The following POT1 variants were observed in gnomAD, a reference collection of about 807,000 sequenced individuals.
POT1 encodes protection of telomeres protein 1.
In POT1, 47 loss-of-function variants were observed where a neutral mutation model predicts 78.5. The observed-to-expected ratio is 0.60, with a 90% CI of 0.47 to 0.76. POT1 has a LOEUF of 0.76. Among genes scored for constraint, POT1 ranks in the 30% least tolerant of loss-of-function variants. POT1 has a pLI of 0.00. For missense variants in POT1, 646 were observed against 749.9 expected (o/e 0.86, Z 1.62); for synonymous variants, 259 against 260.7 (o/e 0.99, Z 0.06).
At chr7:124,914,136 G>GA (rs35946307) in intron 3 of POT1, among the ~76,000 whole-genome samples, 32,783 of 111,062 alleles carry the variant, frequency 0.3, 5,035 homozygotes, top group Middle Eastern at 0.33. Flanking sequence ...CTCTGTCTCA[G>GA]AAAAAAAAAA....
At chr7:124,917,641 A>C (rs988367963) in intron 2 of POT1, among the ~76,000 whole-genome samples, 1 of 152,190 alleles carries the variant, frequency 6.6e-6, no homozygotes, top group Non-Finnish European at 1.5e-5. Context: ...AGAGAACCAC[A>C]ATCAATTAGA....
At chr7:124,848,584 A>G in intron 11 of POT1, 1 of 184,956 alleles carries the variant, frequency 5.4e-6, no homozygotes, top group Non-Finnish European at 1.2e-5. Context: ...AGAAGCTTGA[A>G]CTCAGGAGGT....
chr7:124,863,706 A>G (rs1795655854), intron 7 of POT1, 66 bp from the exon 8 acceptor site: 1 of 1,202,590 alleles, frequency 8.3e-7, no homozygotes, highest in African/African-American at 1.5e-5. Context: ...ACAACCTACG[A>G]ACCAAAGAAA....
intron 5 of POT1, among the ~76,000 whole-genome samples, chr7:124,894,324 G>C (rs1205736514): frequency 6.6e-6 from 1 of 151,412 alleles, no homozygotes; most frequent in Non-Finnish European, 1.5e-5. Context: ...GAAGCATACT[G>C]AACAGTAGGG....
intron 3 of POT1, among the ~76,000 whole-genome samples, chr7:124,914,000 T>C (rs1216710370): frequency 6.6e-6 from 1 of 151,862 alleles, no homozygotes; most frequent in East Asian, 1.9e-4. Context: ...CAAGACATGG[T>C]GGTACGCGTC....
At position 124,853,272 on chromosome 7, in the gene POT1, G is replaced by T. The variant is rs1476182944; in HGVS notation, c.703-134C>A. 9.2e-6 allele frequency: 6 copies of T among 651,354 alleles called. No individual in the cohort carries two copies. The Admixed American group carries it at 1.5e-4, about 16-fold the overall frequency. 40.3% of individuals were successfully genotyped at this position (651,354 alleles called of 1,614,324 possible). A position where few individuals can be genotyped will look rare whatever the true frequency, so the allele number is the denominator to read the frequency against. On this transcript the variant is annotated intron_variant, in intron 9 of 18. Transcript: ENST00000357628. ...GGAAATATACTAAAGTATCTGCAAA[G>T]TATGCTATACGAGTGTGGTTGAATA...
intron 11 of POT1, among the ~76,000 whole-genome samples, chr7:124,851,110 T>C (rs565201819): frequency 1.8e-4 from 28 of 151,840 alleles, no homozygotes; most frequent in Non-Finnish European, 3.5e-4. Flanking sequence ...ATCCTGTTTC[T>C]ACCAAAAAAT....
intron 16 of POT1, among the ~76,000 whole-genome samples, chr7:124,827,821 G>A (rs1286996372): frequency 2.0e-5 from 3 of 152,016 alleles, no homozygotes; most frequent in Non-Finnish European, 4.4e-5. Context: ...CGGATCTTGA[G>A]GAGTTCAAGA....
At chr7:124,882,013 A>C (rs556892578) in intron 6 of POT1, among the ~76,000 whole-genome samples, 60 of 152,116 alleles carry the variant, frequency 3.9e-4, no homozygotes, top group African/African-American at 1.4e-3. Flanking sequence ...AAATCTGGAA[A>C]AGATAACAAA....
chr7:124,883,587 CTAA>C (rs1317918011), intron 6 of POT1, among the ~76,000 whole-genome samples: 1 of 151,968 alleles, frequency 6.6e-6, no homozygotes, highest in Admixed American at 6.6e-5. Flanking sequence ...CCTTACGGTT[CTAA>C]TATTATCTAA....
At chr7:124,847,037 A>G in intron 11 of POT1, 39 bp from the exon 12 acceptor site, 1 of 1,391,524 alleles carries the variant, frequency 7.2e-7, no homozygotes, top group African/African-American at 1.4e-5. Flanking sequence ...AGTCCATTAC[A>G]ACTTCATTGT....
intron 2 of POT1, among the ~76,000 whole-genome samples, chr7:124,927,981 G>A (rs548389948): frequency 6.6e-6 from 1 of 152,086 alleles, no homozygotes; most frequent in Non-Finnish European, 1.5e-5. Context: ...TATGATCTCA[G>A]GCAAATTGCT....
chr7:124,872,674 G>A (rs1014984786), intron 6 of POT1, among the ~76,000 whole-genome samples: 9 of 152,144 alleles, frequency 5.9e-5, no homozygotes, highest in Non-Finnish European at 1.0e-4. Flanking sequence ...TACCATCCAC[G>A]GTTTTGGGCA....
At chr7:124,844,129 T>TG (rs1455218755) in intron 12 of POT1, among the ~76,000 whole-genome samples, 13 of 149,088 alleles carry the variant, frequency 8.7e-5, no homozygotes, top group African/African-American at 3.2e-4. Context: ...GATTGTGGTT[T>TG]TTTTTTTTTT....
intron 8 of POT1, among the ~76,000 whole-genome samples, chr7:124,860,823 G>T (rs1049132269): frequency 6.6e-5 from 10 of 151,254 alleles, no homozygotes; most frequent in African/African-American, 2.4e-4. Flanking sequence ...TGTTCTCATT[G>T]TTCAACTCCC....
intron 6 of POT1, among the ~76,000 whole-genome samples, chr7:124,880,945 C>T (rs1045697519): frequency 9.2e-5 from 14 of 151,968 alleles, no homozygotes; most frequent in African/African-American, 3.4e-4. Context: ...ATATCATCTA[C>T]TTGCTACAAT....
chr7:124,847,967 G>A (rs898132804), intron 11 of POT1, among the ~76,000 whole-genome samples: 1 of 152,142 alleles, frequency 6.6e-6, no homozygotes, highest in Non-Finnish European at 1.5e-5. Flanking sequence ...GGAAACAAAT[G>A]ATGTCATAAC....
rs1339373285 is a variant in POT1, at chr7:124,823,714, TATCTC to T, written c.*243_*247del. 2 of 418,084 alleles carry T rather than the reference TATCTC, an allele frequency of 4.8e-6. No homozygotes were observed. The highest frequency in any genetic ancestry group is 4.2e-5 in the African/African-American group (2 of 47,636). The allele number at this position is 418,084 out of a possible 1,614,324, so 25.9% of individuals were successfully genotyped here. A position where few individuals can be genotyped will look rare whatever the true frequency, so the allele number is the denominator to read the frequency against. The stretch of plus-strand genomic sequence containing the variant: ...GTACACTGTAGCTTGATCAGACACT[TATCTC>T]AGCAGTACTTGTTTAAGCAGGTCTC... On this transcript the variant is annotated 3_prime_UTR_variant, in exon 19 of 19. Coordinates refer to ENST00000357628, the MANE Select transcript of POT1 (RefSeq NM_015450.3).
intron 3 of POT1, among the ~76,000 whole-genome samples, chr7:124,914,303 T>C (rs777519618): frequency 3.9e-5 from 6 of 152,086 alleles, no homozygotes; most frequent in Non-Finnish European, 5.9e-5. Context: ...TTTTTTAAGG[T>C]TGTTTTCGCA....
Sources: allele counts gnomAD v4.1 joint callset (sites outside exome capture counted in the v4.1 genomes callset), GRCh38; gene constraint gnomAD v4.1.1; transcripts MANE v1.5; gene names NCBI Gene and HGNC (gene_info 2026-07-23, HGNC 2026-07-21).